PRR16: variants seen among roughly 807,000 people sequenced by gnomAD.
PRR16 encodes the protein protein Largen.
PRR16 carries 6 observed loss-of-function variants against 18.2 expected under a neutral mutation model. The ratio of observed to expected loss-of-function variants is 0.33; its 90% CI spans 0.18 to 0.65. The LOEUF (loss-of-function observed/expected upper bound fraction) is 0.65. Among genes scored for constraint, PRR16 ranks in the 30% least tolerant of loss-of-function variants. PRR16 has a pLI of 0.74. For missense variants in PRR16, 412 were observed against 376.6 expected, an observed-to-expected ratio of 1.09 and a Z score of -0.78; for synonymous variants, 151 against 147.8, an observed-to-expected ratio of 1.02 and a Z score of -0.16.
intron 1 of PRR16, among the ~76,000 whole-genome samples, chr5:120,508,852 G>A (rs996292442): frequency 6.6e-6 from 1 of 151,932 alleles, no homozygotes; most frequent in Non-Finnish European, 1.5e-5. Flanking sequence ...TGCTGCCCTG[G>A]CATAAGCTAA....
chr5:120,596,742 T>C (rs2112783667), intron 1 of PRR16, among the ~76,000 whole-genome samples: 1 of 151,886 alleles, frequency 6.6e-6, no homozygotes, highest in Non-Finnish European at 1.5e-5. Flanking sequence ...AAATCCTCAA[T>C]TTCATATTTA....
intron 1 of PRR16, among the ~76,000 whole-genome samples, chr5:120,515,953 A>G (rs1310642359): frequency 6.6e-6 from 1 of 152,228 alleles, no homozygotes; most frequent in Non-Finnish European, 1.5e-5. Flanking sequence ...TAAAATATCT[A>G]TCAAATTTAA....
chr5:120,651,524 T>G (rs1397808847), intron 1 of PRR16, among the ~76,000 whole-genome samples: 1 of 152,218 alleles, frequency 6.6e-6, no homozygotes, highest in Non-Finnish European at 1.5e-5. Flanking sequence ...AAGGAAGGGA[T>G]CCAGTTTCAG....
intron 1 of PRR16, among the ~76,000 whole-genome samples, chr5:120,493,588 T>C (rs1453697465): frequency 2.6e-5 from 4 of 152,166 alleles, no homozygotes; most frequent in Non-Finnish European, 5.9e-5. Flanking sequence ...AATAAGATCA[T>C]GATCAGAATA....
At chr5:120,667,144 A>T (rs1561604221) in intron 1 of PRR16, among the ~76,000 whole-genome samples, 1 of 152,080 alleles carries the variant, frequency 6.6e-6, no homozygotes, top group Non-Finnish European at 1.5e-5. Context: ...CGATCCTGTT[A>T]TTGGTCTCTT....
At chr5:120,642,761 G>A (rs906933978) in intron 1 of PRR16, among the ~76,000 whole-genome samples, 2 of 152,038 alleles carry the variant, frequency 1.3e-5, no homozygotes, top group African/African-American at 4.8e-5. Context: ...AGCATCATCT[G>A]TTCCATGTCA....
In PRR16 at chr5:120,555,786, A is replaced by G. The variant is rs557077691; in HGVS notation, c.159+91141A>G. Among the ~76,000 whole-genome samples the G allele has an allele frequency of 6.0e-5, 9 of 149,344 alleles. No individual in the cohort carries two copies. In the South Asian group the frequency reaches 1.7e-3, roughly 28 times the overall value. ...TTCCAAATTGTAGACACAATCTTCT[A>G]AATAACCTAGAAAGGTTTTTTTTTT... On this transcript the variant is annotated intron_variant, in intron 1 of 1. Coordinates refer to ENST00000407149, the MANE Select transcript of PRR16 (RefSeq NM_001300783.2).
At chr5:120,705,830 G>A in the PRR16 span, among the ~76,000 whole-genome samples, 1 of 152,184 alleles carries the variant, frequency 6.6e-6, no homozygotes, top group South Asian at 2.1e-4. Context: ...TTGAACTGGA[G>A]CCTGGTACAA....
the PRR16 span, among the ~76,000 whole-genome samples, chr5:120,766,762 C>T: frequency 7.2e-5 from 11 of 151,840 alleles, no homozygotes; most frequent in Admixed American, 2.6e-4. Flanking sequence ...AAATTAATGA[C>T]CTTTGGACAT....
At chr5:120,575,694 G>A (rs955257330) in intron 1 of PRR16, among the ~76,000 whole-genome samples, 4 of 152,032 alleles carry the variant, frequency 2.6e-5, no homozygotes, top group Non-Finnish European at 2.9e-5. Context: ...ACCATCATAC[G>A]GAATGGGGAA....
At chr5:120,487,990 G>A (rs1181587763) in intron 1 of PRR16, among the ~76,000 whole-genome samples, 2 of 152,172 alleles carry the variant, frequency 1.3e-5, no homozygotes, top group Admixed American at 6.5e-5. Flanking sequence ...GCATCCCAGG[G>A]ATGAAGCCCA....
At chr5:120,491,861 C>T (rs1350418025) in intron 1 of PRR16, among the ~76,000 whole-genome samples, 1 of 151,950 alleles carries the variant, frequency 6.6e-6, no homozygotes, top group Non-Finnish European at 1.5e-5. Context: ...ACTTTTTCTT[C>T]GTTTTATTGA....
At chr5:120,710,730 G>T in the PRR16 span, 1 of 152,080 alleles carries the variant, frequency 6.6e-6, no homozygotes, top group Non-Finnish European at 1.5e-5. Flanking sequence ...TGCCAAAGTC[G>T]AATATCAGAC....
chr5:120,573,683 A>T (rs1249818049), intron 1 of PRR16, among the ~76,000 whole-genome samples: 2 of 152,128 alleles, frequency 1.3e-5, no homozygotes, highest in Non-Finnish European at 2.9e-5. Context: ...AAATAAAAAC[A>T]ATGCTTGTTA....
intron 1 of PRR16, among the ~76,000 whole-genome samples, chr5:120,544,063 C>T (rs1052003296): frequency 2.0e-5 from 3 of 152,078 alleles, no homozygotes; most frequent in South Asian, 4.1e-4. Flanking sequence ...TTGGTCTGTG[C>T]GATCATCATG....
chr5:120,775,421 C>T, the PRR16 span, among the ~76,000 whole-genome samples: 1 of 152,020 alleles, frequency 6.6e-6, no homozygotes, highest in African/African-American at 2.4e-5. Flanking sequence ...GTCCATTCTA[C>T]ACCCTAAATA....
At chr5:120,537,360 T>G (rs1751751093) in intron 1 of PRR16, among the ~76,000 whole-genome samples, 1 of 152,172 alleles carries the variant, frequency 6.6e-6, no homozygotes, top group Non-Finnish European at 1.5e-5. Flanking sequence ...GGAAGAGGTG[T>G]TATTAACTAG....
At chr5:120,490,139 C>T (rs541221162) in intron 1 of PRR16, among the ~76,000 whole-genome samples, 1 of 152,034 alleles carries the variant, frequency 6.6e-6, no homozygotes, top group East Asian at 1.9e-4. Context: ...CTTGGAGTTG[C>T]TGTTCTCGAG....
chr5:120,729,215 T>C, the PRR16 span, among the ~76,000 whole-genome samples: 1 of 152,266 alleles, frequency 6.6e-6, no homozygotes, highest in East Asian at 1.9e-4. Flanking sequence ...ATATTTTTTT[T>C]ATAGCTAAAC....
Sources: allele counts gnomAD v4.1 joint callset (sites outside exome capture counted in the v4.1 genomes callset), GRCh38; gene constraint gnomAD v4.1.1; transcripts MANE v1.5; gene names NCBI Gene and HGNC (gene_info 2026-07-23, HGNC 2026-07-21).